The following RABGAP1L variants were observed in gnomAD, a reference collection of about 807,000 sequenced individuals.
RABGAP1L encodes RAB GTPase activating protein 1 like.
In RABGAP1L, 63 loss-of-function variants were observed where a neutral mutation model predicts 137.7. The ratio of observed to expected loss-of-function variants is 0.46; its 90% CI spans 0.37 to 0.56. The LOEUF (loss-of-function observed/expected upper bound fraction) is 0.56. RABGAP1L is among the 20% of genes least tolerant of loss of function. The pLI is 0.00. For missense variants in RABGAP1L, 1,095 were observed against 1,244.0 expected, an observed-to-expected ratio of 0.88 and a Z score of 1.80; for synonymous variants, 431 against 433.7, an observed-to-expected ratio of 0.99 and a Z score of 0.08.
At chr1:174,401,855 T>C (rs1648628264) in intron 13 of RABGAP1L, among the ~76,000 whole-genome samples, 1 of 152,174 alleles carries the variant, frequency 6.6e-6, no homozygotes, top group South Asian at 2.1e-4. Flanking sequence ...CAGCCATTTC[T>C]GCCTAGGAAC....
intron 1 of RABGAP1L, among the ~76,000 whole-genome samples, chr1:174,181,616 C>T (rs1457450132): frequency 6.6e-6 from 1 of 152,102 alleles, no homozygotes; most frequent in South Asian, 2.1e-4. Context: ...GGATTACAGG[C>T]GTGAGCCACC....
intron 13 of RABGAP1L, among the ~76,000 whole-genome samples, chr1:174,560,332 C>T (rs970135604): frequency 2.0e-5 from 3 of 152,118 alleles, no homozygotes; most frequent in Non-Finnish European, 4.4e-5. Context: ...TCCCATATAT[C>T]AGTTCTTTTT....
rs568320264 is a variant in RABGAP1L, at chr1:174,701,266, T to C, written c.2026-847T>C. 18 of 1,214,964 alleles carry C rather than the reference T, an allele frequency of 1.5e-5. No homozygotes were observed. In the South Asian group the frequency reaches 2.5e-4, roughly 17 times the overall value. The allele number at this position is 1,214,964 out of a possible 1,614,324, so 75.3% of individuals were successfully genotyped here. On this transcript the variant is annotated intron_variant, in intron 16 of 25. Coordinates refer to ENST00000681986, the MANE Select transcript of RABGAP1L (RefSeq NM_001366446.1). ...GGCATTTTTAGAAGATATCCAATTTTATATATTATACCTTTGCATAATTTC... is the reference window on the plus strand; with the variant it reads ...GGCATTTTTAGAAGATATCCAATTTCATATATTATACCTTTGCATAATTTC...
chr1:174,927,919 T>C (rs943290925), intron 19 of RABGAP1L, among the ~76,000 whole-genome samples: 5 of 152,188 alleles, frequency 3.3e-5, no homozygotes, highest in African/African-American at 1.2e-4. Flanking sequence ...TCATTTTCAA[T>C]ATTGTCGTTG....
At chr1:174,402,373 A>G (rs1387483568) in intron 13 of RABGAP1L, among the ~76,000 whole-genome samples, 1 of 152,196 alleles carries the variant, frequency 6.6e-6, no homozygotes, top group Non-Finnish European at 1.5e-5. Context: ...AAGAAATAAA[A>G]GCACTATCTC....
chr1:174,314,011 C>T (rs545962867), intron 11 of RABGAP1L, among the ~76,000 whole-genome samples: 1 of 152,186 alleles, frequency 6.6e-6, no homozygotes, highest in African/African-American at 2.4e-5. Flanking sequence ...CAGGGTAATA[C>T]TGGCCTTGTA....
chr1:174,946,455 A>T (rs1295356307), intron 19 of RABGAP1L, among the ~76,000 whole-genome samples: 1 of 152,170 alleles, frequency 6.6e-6, no homozygotes, highest in Non-Finnish European at 1.5e-5. Flanking sequence ...GCCTGGCAAC[A>T]TAGTGAGACC....
intron 13 of RABGAP1L, among the ~76,000 whole-genome samples, chr1:174,605,122 C>A (rs539035225): frequency 6.6e-6 from 1 of 152,102 alleles, no homozygotes; most frequent in East Asian, 1.9e-4. Context: ...GCATGGGCAA[C>A]AGAGTGAGAC....
Position 174,221,274 on chromosome 1 carries a change from T to G in RABGAP1L, c.331+110T>G, listed in dbSNP as rs940089755. 11 of 859,244 alleles carry G rather than the reference T, an allele frequency of 1.3e-5. No homozygotes were observed. The Admixed American group carries it at 2.3e-4, about 18-fold the overall frequency. 53.2% of individuals were successfully genotyped at this position (859,244 alleles called of 1,614,324 possible). A position where few individuals can be genotyped will look rare whatever the true frequency, so the allele number is the denominator to read the frequency against. On this transcript the variant is annotated intron_variant, in intron 3 of 25. Coordinates refer to ENST00000681986, the MANE Select transcript of RABGAP1L (RefSeq NM_001366446.1). ...TTAGCTCTTCTCAAGCTTTCAGTTC[T>G]TGTTGAGAGTTTCCACTTCGGTGTT...
At chr1:174,278,401 A>G (rs1675193908) in intron 9 of RABGAP1L, among the ~76,000 whole-genome samples, 2 of 152,220 alleles carry the variant, frequency 1.3e-5, no homozygotes, top group African/African-American at 2.4e-5. Flanking sequence ...CTGTCTCAAA[A>G]CAACAAACAC....
intron 17 of RABGAP1L, among the ~76,000 whole-genome samples, chr1:174,734,952 CTCTTT>C (rs1391365961): frequency 7.3e-6 from 1 of 136,794 alleles, no homozygotes; most frequent in Non-Finnish European, 1.6e-5. Context: ...TAGGATCTCT[CTCTTT>C]TTTTTTTTTT....
intron 21 of RABGAP1L, among the ~76,000 whole-genome samples, chr1:174,971,413 C>G (rs1279287908): frequency 6.6e-6 from 1 of 152,092 alleles, no homozygotes; most frequent in East Asian, 1.9e-4. Flanking sequence ...TATTGAGTAC[C>G]AGGGTAGCTC....
intron 19 of RABGAP1L, among the ~76,000 whole-genome samples, chr1:174,873,816 A>G (rs989955721): frequency 6.6e-6 from 1 of 152,136 alleles, no homozygotes; most frequent in Non-Finnish European, 1.5e-5. Context: ...GTGAGGTGAG[A>G]TAATTTTTAT....
At chr1:174,978,995 A>G (rs1670876436) in intron 23 of RABGAP1L, 105 bp downstream of exon 23, 11 of 1,319,244 alleles carry the variant, frequency 8.3e-6, no homozygotes, top group Non-Finnish European at 1.1e-5. Flanking sequence ...CCTGAGCAAC[A>G]TAGCAGGACC....
intron 12 of RABGAP1L, among the ~76,000 whole-genome samples, chr1:174,392,732 A>G (rs781232785): frequency 1.3e-5 from 2 of 152,208 alleles, no homozygotes; most frequent in Non-Finnish European, 2.9e-5. Context: ...AGCTAGAGGT[A>G]GAAGAGTGTG....
At position 174,338,152 on chromosome 1, in the gene RABGAP1L, CT is replaced by C. The variant is rs1359902571; in HGVS notation, c.1466-32826del. ...TGAGTATGATAGGGTCTCATATCAA[CT>C]AGACTCAAGCATTTAATGTGAATTT... On this transcript the variant is annotated intron_variant, in intron 11 of 25. Coordinates refer to ENST00000681986, the MANE Select transcript of RABGAP1L (RefSeq NM_001366446.1). 2.6e-5 allele frequency among the ~76,000 whole-genome samples: 4 copies of C among 152,226 alleles called. No homozygotes were observed. In the East Asian group the frequency reaches 7.7e-4, roughly 29 times the overall value.
At chr1:174,358,553 C>T (rs559202990) in intron 11 of RABGAP1L, among the ~76,000 whole-genome samples, 2 of 152,312 alleles carry the variant, frequency 1.3e-5, no homozygotes, top group Admixed American at 1.3e-4. Flanking sequence ...GTGACACTTT[C>T]ACATCTTTCT....
chr1:174,210,476 C>A (rs895493678), intron 1 of RABGAP1L, among the ~76,000 whole-genome samples: 1 of 152,056 alleles, frequency 6.6e-6, no homozygotes, highest in Non-Finnish European at 1.5e-5. Context: ...CTTTTAATAG[C>A]AGAATTGATC....
chr1:174,233,297 G>T (rs1482778088), intron 4 of RABGAP1L, among the ~76,000 whole-genome samples: 1 of 151,280 alleles, frequency 6.6e-6, no homozygotes, highest in Non-Finnish European at 1.5e-5. Context: ...TAAGTTTTAG[G>T]GTACATGTGC....
Sources: gnomAD v4.1 joint callset for allele counts (sites outside exome capture counted in the v4.1 genomes callset) on GRCh38, gnomAD v4.1.1 for gene constraint, MANE v1.5 for transcripts, NCBI Gene and HGNC (gene_info 2026-07-23, HGNC 2026-07-21) for gene names.